C4orf50: variants seen among roughly 807,000 people sequenced by gnomAD.
C4orf50 encodes the protein uncharacterized protein C4orf50.
C4orf50 carries 80 observed loss-of-function variants against 77.2 expected under a neutral mutation model. The ratio of observed to expected loss-of-function variants is 1.04; its 90% confidence interval spans 0.87 to 1.25. C4orf50 has a LOEUF of 1.25. C4orf50 is among the 50% of genes most tolerant of loss of function. The pLI, the probability that C4orf50 is intolerant of heterozygous loss-of-function variation, is 0.00. For missense variants in C4orf50, 1,257 were observed against 1,152.9 expected, an observed-to-expected ratio of 1.09 and a Z score of -1.31; for synonymous variants, 532 against 465.3, an observed-to-expected ratio of 1.14 and a Z score of -1.84.
chr4:5,917,969 G>T (rs1214869969), intron 7 of C4orf50, among the ~76,000 whole-genome samples: 4 of 152,084 alleles, frequency 2.6e-5, no homozygotes, highest in Non-Finnish European at 5.9e-5. Flanking sequence ...AGAGAGCCGG[G>T]GACTGGCCCG....
chr4:5,959,624 G>T, exon 34 of C4orf50: 1 of 1,611,512 alleles, frequency 6.2e-7, no homozygotes, highest in Non-Finnish European at 8.5e-7. Flanking sequence ...AGGACAGAGG[G>T]AGCTGCAGGC....
exon 34 of C4orf50, chr4:5,957,152 G>C (rs915813264): frequency 6.6e-6 from 1 of 152,246 alleles, no homozygotes; most frequent in Admixed American, 6.5e-5. Flanking sequence ...GTTGGGTTAC[G>C]CTGCAAAGGT....
chr4:5,933,335 A>T (rs975126117), intron 7 of C4orf50, among the ~76,000 whole-genome samples: 1 of 152,216 alleles, frequency 6.6e-6, no homozygotes, highest in African/African-American at 2.4e-5. Context: ...CTGGGAAAAG[A>T]TCCAAGGTCC....
intron 29 of C4orf50, among the ~76,000 whole-genome samples, chr4:5,978,266 C>T (rs573426618): frequency 6.0e-5 from 9 of 150,140 alleles, no homozygotes; most frequent in Admixed American, 1.3e-4. Context: ...AAAGCAACTG[C>T]GATAGAGATG....
chr4:5,981,257 C>T (rs956762530), intron 28 of C4orf50, among the ~76,000 whole-genome samples: 9 of 152,228 alleles, frequency 5.9e-5, no homozygotes, highest in Admixed American at 5.2e-4. Context: ...CCTCCTGTGG[C>T]CGTGCTGAAC....
chr4:5,943,641 T>G (rs997080117), intron 7 of C4orf50, among the ~76,000 whole-genome samples: 1 of 152,198 alleles, frequency 6.6e-6, no homozygotes, highest in African/African-American at 2.4e-5. Flanking sequence ...AAGAGACGCT[T>G]TACAAACTGT....
intron 7 of C4orf50, among the ~76,000 whole-genome samples, chr4:5,948,024 A>G (rs1271332734): frequency 6.6e-6 from 1 of 152,080 alleles, no homozygotes; most frequent in Non-Finnish European, 1.5e-5. Context: ...CTCTACCTCC[A>G]TGGTCAATTT....
intron 29 of C4orf50, among the ~76,000 whole-genome samples, 159 bp from the exon 8 acceptor site, chr4:5,976,114 C>T (rs1720266849): frequency 6.6e-6 from 1 of 152,148 alleles, no homozygotes; most frequent in East Asian, 1.9e-4. Context: ...CACCACCTGC[C>T]TGGCAGGATC....
At chr4:6,003,008 A>G (rs779624182) in intron 25 of C4orf50, among the ~76,000 whole-genome samples, 2 of 152,282 alleles carry the variant, frequency 1.3e-5, no homozygotes, top group South Asian at 2.1e-4. Context: ...CTCCTCTCAC[A>G]TCCCAGGTCT....
At chr4:5,899,575 C>T (rs575467240) in intron 7 of C4orf50, 2 of 152,314 alleles carry the variant, frequency 1.3e-5, no homozygotes, top group African/African-American at 4.8e-5. Flanking sequence ...GAGAAGTTTC[C>T]TCCTGTAGAC....
At chr4:6,003,389 T>C (rs981296639) in intron 25 of C4orf50, among the ~76,000 whole-genome samples, 1 of 152,068 alleles carries the variant, frequency 6.6e-6, no homozygotes. Context: ...TCCTACTAGA[T>C]GAGCACAAGC....
chr4:5,910,087 C>T (rs1163804198), intron 7 of C4orf50, among the ~76,000 whole-genome samples: 1 of 151,842 alleles, frequency 6.6e-6, no homozygotes, highest in Non-Finnish European at 1.5e-5. Flanking sequence ...CTGTAGATCG[C>T]TTTGGGTAGT....
At chr4:5,990,656 C>T (rs533232668) in exon 28 of C4orf50, 17 of 399,218 alleles carry the variant, frequency 4.3e-5, no homozygotes, top group African/African-American at 1.0e-4. Flanking sequence ...AGAGGGAGTG[C>T]GGATGTCTGC....
In C4orf50 at chr4:5,908,338, T is replaced by C. The variant is rs1229735834; in HGVS notation, c.*2475-10150A>G. On this transcript the variant is annotated intron_variant, in intron 7 of 7. Transcript: ENST00000324058. The surrounding 1 kb of genome is among the most constrained non-coding windows in gnomAD (Gnocchi z 5.6). ...GACTGAGACATTATGACAGGGTACA[T>C]GCAGGAAGCTCACTGCACTGCACTG... is the stretch of plus-strand genomic sequence containing the variant. Among the ~76,000 whole-genome samples the C allele has an allele frequency of 6.6e-6, 1 of 152,130 alleles. No homozygotes were observed. The highest frequency in any genetic ancestry group is 1.9e-4 in the East Asian group (1 of 5,170).
At chr4:5,975,626 C>A (rs1257262105) in intron 30 of C4orf50, among the ~76,000 whole-genome samples, 1 of 152,096 alleles carries the variant, frequency 6.6e-6, no homozygotes, top group Admixed American at 6.5e-5. Context: ...ATCTTCCCCC[C>A]TCAGCCCTCC....
intron 7 of C4orf50, among the ~76,000 whole-genome samples, chr4:5,930,959 C>T (rs1717743167): frequency 6.6e-6 from 1 of 152,124 alleles, no homozygotes; most frequent in African/African-American, 2.4e-5. Flanking sequence ...AGGGACAGTC[C>T]CGGCCAGGAG....
In C4orf50 at chr4:5,961,048, AACAAGG is replaced by A. The variant is rs368987108; in HGVS notation, c.4276-1428_4276-1423del. ...GTGGCTGTCTCTTCATGGAAGGACA[AACAAGG>A]ACAAGGACAAGGAACTGAGGGCTCC... On this transcript the variant is annotated intron_variant, in intron 33 of 33. Transcript: ENST00000531445. Among the ~76,000 whole-genome samples the A allele has an allele frequency of 3.8e-3, 583 of 152,352 alleles. 4 individuals carry two copies. The highest frequency in any genetic ancestry group is 0.012 in the African/African-American group (517 of 41,582).
chr4:6,003,836 G>GA (rs1721986538), intron 25 of C4orf50, among the ~76,000 whole-genome samples: 1 of 4,184 alleles, frequency 2.4e-4, no homozygotes, highest in African/African-American at 9.5e-4. Flanking sequence ...TGGTGATGAT[G>GA]TGATAGTGAT....
chr4:5,910,529 C>T (rs185116814), intron 7 of C4orf50, among the ~76,000 whole-genome samples: 1 of 152,190 alleles, frequency 6.6e-6, no homozygotes, highest in Admixed American at 6.5e-5. Context: ...CTAGTTATTC[C>T]TAAGGAATTA....
Sources: allele counts gnomAD v4.1 joint callset (sites outside exome capture counted in the v4.1 genomes callset), GRCh38; gene constraint gnomAD v4.1.1; non-coding constraint Gnocchi (gnomAD v3.1); transcripts MANE v1.5; gene names NCBI Gene and HGNC (gene_info 2026-07-23, HGNC 2026-07-21).